Variants in PPP1R9A observed in about 807,000 individuals in gnomAD.
The protein encoded by PPP1R9A is protein phosphatase 1 regulatory subunit 9A.
A neutral mutation model predicts 141.9 loss-of-function variants in PPP1R9A; 59 were observed. The ratio of observed to expected loss-of-function variants is 0.42; its 90% CI spans 0.34 to 0.52. PPP1R9A has a LOEUF of 0.52. Among genes scored for constraint, PPP1R9A ranks in the 20% least tolerant of loss-of-function variants. The pLI is 0.10. For missense variants in PPP1R9A, 1,444 were observed against 1,611.9 expected (o/e 0.90, Z 1.78); for synonymous variants, 500 against 569.7 (o/e 0.88, Z 1.74).
chr7:95,118,081 C>A (rs571830973), intron 3 of PPP1R9A, among the ~76,000 whole-genome samples: 1 of 152,062 alleles, frequency 6.6e-6, no homozygotes, highest in South Asian at 2.1e-4. Flanking sequence ...TTCAGCTATC[C>A]GCTAACCTTA....
At chr7:95,053,539 G>A (rs1204953982) in intron 2 of PPP1R9A, among the ~76,000 whole-genome samples, 1 of 152,164 alleles carries the variant, frequency 6.6e-6, no homozygotes, top group Non-Finnish European at 1.5e-5. Flanking sequence ...AACAATATTG[G>A]AAACTGCGTA....
At chr7:94,948,489 T>C (rs2151007396) in intron 2 of PPP1R9A, among the ~76,000 whole-genome samples, 1 of 152,182 alleles carries the variant, frequency 6.6e-6, no homozygotes, top group East Asian at 1.9e-4. Flanking sequence ...TTGCCAGTCA[T>C]TGGGAGGGGG....
At position 94,910,952 on chromosome 7, in the gene PPP1R9A, C is replaced by A; in HGVS notation, c.839C>A (p.Pro280Gln). 6.2e-7 allele frequency: 1 copy of A among 1,614,060 alleles called. No individual in the cohort carries two copies. The highest frequency in any genetic ancestry group is 2.2e-5 in the East Asian group (1 of 44,882). Residue 280 changes from proline (P) to glutamine (Q), a missense_variant, in exon 2 of 20, where the codon CCA becomes CAA. By Grantham distance (76) the Pro-to-Gln change is moderately conservative. Around this residue, in one of 5 missense-constraint regions of PPP1R9A, gnomAD observed 490 missense variants for 521.1 expected, o/e 0.94. Transcript: ENST00000433360. This position sits in a 1 kb window ranked among gnomAD's most constrained non-coding sequence, Gnocchi z 4.5. ...DAHKSNATPV[P>Q]EVASKSTSLA... is the part of the protein sequence containing the mutation. The stretch of plus-strand genomic sequence containing the variant: ...CACAAGAGTAATGCAACTCCAGTAC[C>A]AGAAGTGGCTTCTAAAAGTACCTCT...
At chr7:95,263,910 A>T (rs1008203049) in intron 12 of PPP1R9A, among the ~76,000 whole-genome samples, 5 of 152,186 alleles carry the variant, frequency 3.3e-5, no homozygotes, top group Non-Finnish European at 7.3e-5. Flanking sequence ...AAGCACTTTT[A>T]TATCTATTAA....
intron 2 of PPP1R9A, among the ~76,000 whole-genome samples, chr7:94,927,163 T>TG (rs879258067): frequency 5.3e-5 from 8 of 152,114 alleles, no homozygotes; most frequent in African/African-American, 1.2e-4. Flanking sequence ...AATAATTTTT[T>TG]GGGGGGGTTA....
intron 2 of PPP1R9A, among the ~76,000 whole-genome samples, chr7:95,073,630 T>G (rs908405328): frequency 8.4e-5 from 12 of 143,368 alleles, no homozygotes; most frequent in Non-Finnish European, 1.5e-4. Context: ...ATAAGTTTTT[T>G]TTTTTTTTTT....
chr7:94,934,759 A>C (rs1179694530), intron 2 of PPP1R9A, among the ~76,000 whole-genome samples: 6 of 149,608 alleles, frequency 4.0e-5, no homozygotes, highest in Non-Finnish European at 7.4e-5. Context: ...ATACATATAT[A>C]TGTGTATATA....
chr7:95,251,856 C>T lies in PPP1R9A; in HGVS notation c.2491C>T (p.Arg831Trp), dbSNP rs1257170011. The T allele has an allele frequency of 8.7e-6, 14 of 1,613,536 alleles. No individual in the cohort carries two copies. The highest frequency in any genetic ancestry group is 4.0e-5 in the African/African-American group (3 of 74,856). ...TGTGGAAGTGCAAGGCCTCCAAGTGCGGGTAAGTTGTGTTCCCTAAGACAC... is the reference window on the plus strand; with the variant it reads ...TGTGGAAGTGCAAGGCCTCCAAGTGTGGGTAAGTTGTGTTCCCTAAGACAC... ...HLVEVQGLQV[R>W]IRDLEAEVFR... Residue 831 changes from arginine to tryptophan, a missense_variant and splice_region_variant, in exon 11 of 20, where the codon CGG (arginine) becomes TGG (tryptophan). Arg to Trp is a moderately radical substitution (Grantham distance 101). Transcript: ENST00000433360.
chr7:95,101,648 C>T (rs1214488142), intron 2 of PPP1R9A, among the ~76,000 whole-genome samples: 1 of 152,158 alleles, frequency 6.6e-6, no homozygotes, highest in African/African-American at 2.4e-5. Context: ...AGAAAATACC[C>T]TTTCTACCCA....
intron 18 of PPP1R9A, 75 bp downstream of exon 18, chr7:95,286,400 G>T: frequency 6.3e-7 from 1 of 1,575,160 alleles, no homozygotes. Flanking sequence ...CCAGGAAAAT[G>T]TTTTTAGGGT....
chr7:95,211,966 G>T (rs1792234681), intron 7 of PPP1R9A, among the ~76,000 whole-genome samples: 1 of 151,978 alleles, frequency 6.6e-6, no homozygotes, highest in Non-Finnish European at 1.5e-5. Flanking sequence ...TTCCAGCCTG[G>T]GTGACAGAAT....
chr7:95,143,690 G>C lies in PPP1R9A; in HGVS notation c.1650-18177G>C, dbSNP rs576874701. Among the ~76,000 whole-genome samples, 3 of 152,274 alleles carry C rather than the reference G, an allele frequency of 2.0e-5. No homozygotes were observed. The East Asian group carries it at 5.8e-4, about 29-fold the overall frequency. Reference sequence around the variant, plus strand: ...GTGAGAAAGGAATCTTGGCTTAGTAGGAGGCTAAGAGCTAATACATTATTA... The same window carrying C: ...GTGAGAAAGGAATCTTGGCTTAGTACGAGGCTAAGAGCTAATACATTATTA... On this transcript the variant is annotated intron_variant, in intron 4 of 19. Transcript: ENST00000433360.
intron 4 of PPP1R9A, chr7:95,155,665 T>G (rs538892591): frequency 5.3e-5 from 8 of 152,228 alleles, no homozygotes; most frequent in Non-Finnish European, 7.3e-5. Flanking sequence ...AAATGGTGAC[T>G]TTTGTAAATA....
intron 8 of PPP1R9A, among the ~76,000 whole-genome samples, chr7:95,234,915 G>A (rs1156358739): frequency 3.9e-5 from 6 of 152,134 alleles, no homozygotes; most frequent in Non-Finnish European, 8.8e-5. Context: ...ATGAAGTGGG[G>A]AAAGGACACA....
At chr7:95,195,182 A>G (rs535747909) in intron 5 of PPP1R9A, among the ~76,000 whole-genome samples, 6 of 152,194 alleles carry the variant, frequency 3.9e-5, no homozygotes, top group Admixed American at 6.5e-5. Flanking sequence ...GACCTAATAT[A>G]AAAGCAAAAC....
At chr7:95,267,838 A>G (rs1038522568) in intron 12 of PPP1R9A, among the ~76,000 whole-genome samples, 2 of 152,166 alleles carry the variant, frequency 1.3e-5, no homozygotes, top group Non-Finnish European at 2.9e-5. Flanking sequence ...AAGAAAAGGA[A>G]ATGTTTATCC....
In PPP1R9A at chr7:94,911,066, AAGAT is replaced by A; in HGVS notation, c.954_957del (p.Asp319ValfsTer25). 1 of 1,614,200 alleles carries A rather than the reference AAGAT, an allele frequency of 6.2e-7. No homozygotes were observed. Among genetic ancestry groups the A allele is most frequent in the South Asian group, 1.1e-5 (1 of 91,082 alleles). ...CAACAGACTCCCGACAGCATTGACA[AAGAT>A]GGTCCTGAAGAACCTTGTGCTGAAA... On this transcript the variant is annotated frameshift_variant, in exon 2 of 20. Coordinates refer to ENST00000433360, the MANE Select transcript of PPP1R9A (RefSeq NM_001166160.2). LOFTEE classifies it high-confidence loss of function.
At position 94,910,254 on chromosome 7, in the gene PPP1R9A, AG is replaced by A; in HGVS notation, c.143del (p.Gly48ValfsTer53). 6.2e-7 allele frequency: 1 copy of A among 1,614,090 alleles called. No homozygotes were observed. The highest frequency in any genetic ancestry group is 8.5e-7 in the Non-Finnish European group (1 of 1,180,012). On this transcript the variant is annotated frameshift_variant, in exon 2 of 20. Coordinates refer to ENST00000433360, the MANE Select transcript of PPP1R9A (RefSeq NM_001166160.2). LOFTEE classifies it high-confidence loss of function. The surrounding 1 kb of genome is among the most constrained non-coding windows in gnomAD (Gnocchi z 4.5). ...KSDGEQKTKE[G>X]EGSQQSRGRK... Reference sequence around the variant, plus strand: ...CAGATGGGGAACAAAAAACAAAAGAAGGTGAGGGCTCCCAGCAGAGCAGGGG... The same window carrying A: ...CAGATGGGGAACAAAAAACAAAAGAAGTGAGGGCTCCCAGCAGAGCAGGGG...
intron 6 of PPP1R9A, among the ~76,000 whole-genome samples, chr7:95,199,319 C>T (rs1165596712): frequency 2.0e-5 from 3 of 152,150 alleles, no homozygotes; most frequent in African/African-American, 7.2e-5. Context: ...ATTTTATACT[C>T]CATAAACTAG....
Sources: allele counts gnomAD v4.1 joint callset (sites outside exome capture counted in the v4.1 genomes callset), GRCh38; gene constraint gnomAD v4.1.1; regional missense constraint gnomAD v4.1.1; non-coding constraint Gnocchi (gnomAD v3.1); transcripts MANE v1.5; gene names NCBI Gene and HGNC (gene_info 2026-07-23, HGNC 2026-07-21).